CNTNAP5: variants seen among roughly 807,000 people sequenced by gnomAD.
CNTNAP5 encodes the protein contactin-associated protein-like 5.
In CNTNAP5, 72 loss-of-function variants were observed where a neutral mutation model predicts 150.2. That is an observed-to-expected ratio of 0.48 (90% confidence interval 0.40 to 0.58). The LOEUF is 0.58. CNTNAP5 is among the 20% of genes least tolerant of loss of function. The probability of loss-of-function intolerance (pLI) is 0.00; values close to 1 mark genes in which losing one functional copy is unlikely to be tolerated. For synonymous variants in CNTNAP5, 672 were observed against 619.8 expected (o/e 1.08, Z -1.25); for missense variants, 1,636 against 1,626.2 (o/e 1.01, Z -0.10).
intron 1 of CNTNAP5, among the ~76,000 whole-genome samples, chr2:124,151,311 G>T (rs900410374): frequency 1.3e-5 from 2 of 152,094 alleles, no homozygotes; most frequent in Non-Finnish European, 2.9e-5. Flanking sequence ...TGAACGCATT[G>T]GTCCCCTCTT....
intron 22 of CNTNAP5, among the ~76,000 whole-genome samples, chr2:124,906,139 C>G (rs1678531655): frequency 6.6e-6 from 1 of 152,064 alleles, no homozygotes; most frequent in Non-Finnish European, 1.5e-5. Context: ...AAAACCAAGA[C>G]ATCAACATGT....
intron 20 of CNTNAP5, among the ~76,000 whole-genome samples, chr2:124,867,095 C>T (rs1427462091): frequency 6.6e-6 from 1 of 152,096 alleles, no homozygotes; most frequent in Non-Finnish European, 1.5e-5. Context: ...TGAAGAAAAT[C>T]ACTCTAGCAT....
intron 3 of CNTNAP5, among the ~76,000 whole-genome samples, chr2:124,396,916 T>C (rs1371846352): frequency 6.6e-6 from 1 of 152,206 alleles, no homozygotes; most frequent in Non-Finnish European, 1.5e-5. Context: ...TCTTGAACTA[T>C]GACAATCTGT....
At chr2:124,039,356 A>G (rs977676911) in intron 1 of CNTNAP5, among the ~76,000 whole-genome samples, 1 of 152,216 alleles carries the variant, frequency 6.6e-6, no homozygotes, top group African/African-American at 2.4e-5. Flanking sequence ...TTGAAGCACA[A>G]CAGGTTAGGT....
chr2:124,828,901 A>G (rs1463513624), intron 19 of CNTNAP5, among the ~76,000 whole-genome samples: 1 of 152,016 alleles, frequency 6.6e-6, no homozygotes, highest in African/African-American at 2.4e-5. Context: ...GTTTCAGCCC[A>G]CAGCTTACAT....
intron 19 of CNTNAP5, among the ~76,000 whole-genome samples, chr2:124,862,629 G>A (rs1677549645): frequency 6.6e-6 from 1 of 152,196 alleles, no homozygotes; most frequent in African/African-American, 2.4e-5. Context: ...CCACTGGAGT[G>A]CACAGCTGAA....
chr2:124,149,594 C>G (rs938517417), intron 1 of CNTNAP5, among the ~76,000 whole-genome samples: 1 of 152,008 alleles, frequency 6.6e-6, no homozygotes, highest in Non-Finnish European at 1.5e-5. Context: ...AAATTTTCTT[C>G]AAACAGAAGG....
intron 10 of CNTNAP5, among the ~76,000 whole-genome samples, chr2:124,551,623 C>T (rs1431786256): frequency 6.6e-6 from 1 of 152,128 alleles, no homozygotes; most frequent in African/African-American, 2.4e-5. Flanking sequence ...CCAAGGAAAG[C>T]ATATAGAAAT....
chr2:124,285,004 A>G (rs187366578), intron 3 of CNTNAP5, among the ~76,000 whole-genome samples: 6 of 152,168 alleles, frequency 3.9e-5, no homozygotes, highest in Admixed American at 2.0e-4. Flanking sequence ...TGCAGCCTCA[A>G]TCTCCTCGGC....
chr2:124,051,662 T>G (rs1294021077), intron 1 of CNTNAP5, among the ~76,000 whole-genome samples: 2 of 152,172 alleles, frequency 1.3e-5, no homozygotes, highest in Non-Finnish European at 2.9e-5. Flanking sequence ...GATTTGAAGT[T>G]GATTCCAACC....
intron 3 of CNTNAP5, among the ~76,000 whole-genome samples, chr2:124,309,676 G>A (rs1688775727): frequency 6.6e-6 from 1 of 152,150 alleles, no homozygotes; most frequent in African/African-American, 2.4e-5. Flanking sequence ...CAAAAGTCTG[G>A]GGCCTTTAGC....
At chr2:124,291,100 T>G (rs1028346037) in intron 3 of CNTNAP5, among the ~76,000 whole-genome samples, 38 of 152,188 alleles carry the variant, frequency 2.5e-4, no homozygotes, top group African/African-American at 7.7e-4. Context: ...TATTTTGTAA[T>G]TAATAATCTT....
At chr2:124,906,289 T>G (rs1678535636) in intron 22 of CNTNAP5, among the ~76,000 whole-genome samples, 1 of 152,146 alleles carries the variant, frequency 6.6e-6, no homozygotes. Flanking sequence ...GGATATATAT[T>G]TTGTTCAGAT....
intron 12 of CNTNAP5, among the ~76,000 whole-genome samples, chr2:124,630,101 A>T (rs959234125): frequency 2.0e-5 from 3 of 151,876 alleles, no homozygotes; most frequent in Non-Finnish European, 4.4e-5. Context: ...AAAAAAAAAG[A>T]ATCCCAAGTC....
intron 3 of CNTNAP5, among the ~76,000 whole-genome samples, chr2:124,403,027 C>T (rs1691469919): frequency 6.6e-6 from 1 of 152,180 alleles, no homozygotes; most frequent in Admixed American, 6.5e-5. Flanking sequence ...TGTTAATTAC[C>T]CTTTGCCTTA....
chr2:124,737,580 C>T lies in CNTNAP5; in HGVS notation c.2078-9649C>T, dbSNP rs185346829. On this transcript the variant is annotated intron_variant, in intron 13 of 23. Transcript: ENST00000682447. ...ATGCACAGGGTTTCATGGGCCATGG[C>T]GAGAAGGTGGGATTTGTTTCTTGTT... Among the ~76,000 whole-genome samples, 19 of 152,120 alleles carry T rather than the reference C, an allele frequency of 1.2e-4. No homozygotes were observed. In the East Asian group the frequency reaches 3.1e-3, roughly 25 times the overall value.
chr2:124,158,648 A>C (rs1268065373), intron 1 of CNTNAP5, among the ~76,000 whole-genome samples: 3 of 152,228 alleles, frequency 2.0e-5, no homozygotes, highest in African/African-American at 7.2e-5. Context: ...TGTCCAACAA[A>C]TGTTGATACA....
At chr2:124,593,169 T>C in intron 11 of CNTNAP5, among the ~76,000 whole-genome samples, 1 of 148,708 alleles carries the variant, frequency 6.7e-6, no homozygotes, top group Non-Finnish European at 1.5e-5. Flanking sequence ...AGTTTTAGGG[T>C]ACATGTGCAC....
chr2:124,858,636 A>C (rs887969757), intron 19 of CNTNAP5, among the ~76,000 whole-genome samples: 1 of 152,206 alleles, frequency 6.6e-6, no homozygotes, highest in Non-Finnish European at 1.5e-5. Flanking sequence ...GGTTATACTT[A>C]AAGTAATGGG....
Sources: allele counts gnomAD v4.1 joint callset (sites outside exome capture counted in the v4.1 genomes callset), GRCh38; gene constraint gnomAD v4.1.1; transcripts MANE v1.5; gene names NCBI Gene and HGNC (gene_info 2026-07-23, HGNC 2026-07-21).